Variants in GREB1L observed in about 807,000 individuals in gnomAD.
GREB1L encodes GREB1 like retinoic acid receptor coactivator.
In GREB1L, 17 loss-of-function variants were observed where a neutral mutation model predicts 200.8. The ratio of observed to expected loss-of-function variants is 0.08; its 90% CI spans 0.06 to 0.13. The LOEUF is 0.13. Among genes scored for constraint, GREB1L ranks in the 10% least tolerant of loss-of-function variants. The pLI, the probability that GREB1L is intolerant of heterozygous loss-of-function variation, is 1.00. For synonymous variants in GREB1L, 789 were observed against 893.0 expected (o/e 0.88, Z 2.08); for missense variants, 1,657 against 2,367.7 (o/e 0.70, Z 6.23).
At chr18:21,417,980 C>CAAAA (rs370649676) in intron 7 of GREB1L, among the ~76,000 whole-genome samples, 1 of 80,252 alleles carries the variant, frequency 1.2e-5, no homozygotes, top group African/African-American at 4.6e-5. Context: ...GACTCCATCT[C>CAAAA]AAAAAAAAAA....
rs1311481622 is a variant in GREB1L, at chr18:21,518,067, C to G, written c.5305C>G (p.Gln1769Glu). 4.8e-5 allele frequency: 74 copies of G among 1,551,526 alleles called. No homozygotes were observed. Among genetic ancestry groups the G allele is most frequent in the Non-Finnish European group, 6.2e-5 (71 of 1,146,960 alleles). Residue 1769 changes from glutamine (Q) to glutamate (E), a missense_variant, in exon 31 of 33, where the codon CAA becomes GAA. Physicochemically the swap from Gln to Glu is conservative, Grantham distance 29. Transcript: ENST00000424526. Reference sequence around the variant, plus strand: ...GAGCTTAGCACCCATCTTGCCCCTTCAATACATCTGTGCTCCCGACAGTGA... The same window carrying G: ...GAGCTTAGCACCCATCTTGCCCCTTGAATACATCTGTGCTCCCGACAGTGA... ...SESLAPILPL[Q>E]YICAPDSEHT...
intron 15 of GREB1L, among the ~76,000 whole-genome samples, chr18:21,459,279 CTT>C (rs746568414): frequency 0.031 from 2,652 of 85,848 alleles, 43 homozygotes; most frequent in African/African-American, 0.13. Flanking sequence ...TTTTTCTTTA[CTT>C]TTTTTTTTTT....
rs1420407476 is a variant in GREB1L at position 21,403,789 on chromosome 18, G to A, written c.710-83G>A. On this transcript the variant is annotated intron_variant, in intron 6 of 32. Coordinates refer to ENST00000424526, the MANE Select transcript of GREB1L (RefSeq NM_001142966.3). Reference sequence around the variant, plus strand: ...GCTTAAGGAGCAGCGATTTAATTTAGAGATTTTATGGATTGCGTCCCCATC... The same window carrying A: ...GCTTAAGGAGCAGCGATTTAATTTAAAGATTTTATGGATTGCGTCCCCATC... 4 of 1,192,366 alleles carry A rather than the reference G, an allele frequency of 3.4e-6. No homozygotes were observed. In the South Asian group the frequency reaches 4.3e-5, roughly 13 times the overall value. 73.9% of individuals were successfully genotyped at this position (1,192,366 alleles called of 1,614,324 possible).
intron 3 of GREB1L, 33 bp downstream of exon 3, chr18:21,383,708 C>CT (rs756524593): frequency 3.7e-4 from 557 of 1,523,376 alleles, no homozygotes; most frequent in Middle Eastern, 1.4e-3. Context: ...TTTCTGGATT[C>CT]TTTTTTTTTG....
intron 1 of GREB1L, among the ~76,000 whole-genome samples, chr18:21,350,523 G>A (rs1287897627): frequency 6.6e-6 from 1 of 152,112 alleles, no homozygotes; most frequent in Non-Finnish European, 1.5e-5. Context: ...ACAGATGTGA[G>A]CCGCTGCGCC....
chr18:21,340,662 C>A (rs1001646245), intron 1 of GREB1L, among the ~76,000 whole-genome samples: 1 of 151,836 alleles, frequency 6.6e-6, no homozygotes, highest in Non-Finnish European at 1.5e-5. Flanking sequence ...CCTGCCTCAG[C>A]CTCCTGAGTA....
At position 21,401,316 on chromosome 18, in the gene GREB1L, C is replaced by T; in HGVS notation, c.699C>T (p.Ile233=). Residue 233 remains isoleucine (I), a synonymous_variant, in exon 6 of 33, where the codon ATC becomes ATT. Transcript: ENST00000424526. ...GTGTACTGTCTAAAGGACCTCTTAT[C>T]TGCTGGAAAGGTAGTCAATTTCCAG... ...SQGVLSKGPL[I]CWKECRSRQS... is the part of the protein sequence containing the mutation. The T allele has an allele frequency of 6.5e-7, 1 of 1,549,400 alleles. No individual in the cohort carries two copies. The highest frequency in any genetic ancestry group is 8.7e-7 in the Non-Finnish European group (1 of 1,146,028).
chr18:21,335,451 A>G (rs560325193), intron 1 of GREB1L, among the ~76,000 whole-genome samples: 1 of 152,304 alleles, frequency 6.6e-6, no homozygotes, highest in East Asian at 1.9e-4. Flanking sequence ...TTGTAAGACA[A>G]AATTAATCTG....
At chr18:21,338,040 T>C (rs1237738452) in intron 1 of GREB1L, among the ~76,000 whole-genome samples, 1 of 152,204 alleles carries the variant, frequency 6.6e-6, no homozygotes, top group Non-Finnish European at 1.5e-5. Context: ...TATGTTTGGT[T>C]AATCCTTACA....
intron 1 of GREB1L, among the ~76,000 whole-genome samples, chr18:21,243,751 AAAATT>A (rs760294015): frequency 1.2e-4 from 19 of 152,238 alleles, no homozygotes; most frequent in Admixed American, 3.9e-4. Context: ...TAAAAGAGAA[AAAATT>A]AAATTGTTGA....
intron 1 of GREB1L, among the ~76,000 whole-genome samples, chr18:21,324,754 A>G (rs2038997792): frequency 6.6e-6 from 1 of 152,158 alleles, no homozygotes; most frequent in Non-Finnish European, 1.5e-5. Flanking sequence ...AGCTTGCAGT[A>G]AGCCGAGATC....
chr18:21,307,195 T>A (rs2038714248), intron 1 of GREB1L, among the ~76,000 whole-genome samples: 1 of 152,200 alleles, frequency 6.6e-6, no homozygotes, highest in South Asian at 2.1e-4. Context: ...CCTGTTCCAA[T>A]GGCAAGTACC....
chr18:21,374,069 A>G (rs1178977622), intron 2 of GREB1L, among the ~76,000 whole-genome samples: 1 of 151,786 alleles, frequency 6.6e-6, no homozygotes, highest in African/African-American at 2.4e-5. Context: ...TGGCACAACC[A>G]CACTTCACTG....
chr18:21,428,106 CG>C (rs748981356), intron 7 of GREB1L, among the ~76,000 whole-genome samples: 1 of 140,764 alleles, frequency 7.1e-6, no homozygotes, highest in South Asian at 2.3e-4. Flanking sequence ...AGGAGAATGG[CG>C]TGAACCCGGG....
At chr18:21,339,043 C>T (rs1307375149) in intron 1 of GREB1L, among the ~76,000 whole-genome samples, 3 of 152,090 alleles carry the variant, frequency 2.0e-5, no homozygotes, top group African/African-American at 7.2e-5. Context: ...ACAAAAATTC[C>T]TGGCGTGGTG....
In GREB1L at chr18:21,523,983, CAG is replaced by C. The variant is rs2037644821; in HGVS notation, c.*1164_*1165del. On this transcript the variant is annotated 3_prime_UTR_variant, in exon 33 of 33. Coordinates refer to ENST00000424526, the MANE Select transcript of GREB1L (RefSeq NM_001142966.3). ...CGGCAATGGGAGGCATATGTTTCTA[CAG>C]ATTTCTCAAATATTTTAATCAAAAA... is the stretch of plus-strand genomic sequence containing the variant. The C allele has an allele frequency of 6.6e-6, 1 of 152,202 alleles. No homozygotes were observed. Among genetic ancestry groups the C allele is most frequent in the African/African-American group, 2.4e-5 (1 of 41,446 alleles). The allele number at this position is 152,202 out of a possible 1,614,324, so 9.4% of individuals were successfully genotyped here.
chr18:21,351,896 G>A (rs2039438621), intron 1 of GREB1L, among the ~76,000 whole-genome samples: 1 of 151,884 alleles, frequency 6.6e-6, no homozygotes, highest in African/African-American at 2.4e-5. Flanking sequence ...CGCCCAGGCT[G>A]GAGTGCAGTG....
At chr18:21,423,365 AT>A (rs1226267911) in intron 7 of GREB1L, among the ~76,000 whole-genome samples, 1 of 152,148 alleles carries the variant, frequency 6.6e-6, no homozygotes, top group African/African-American at 2.4e-5. Flanking sequence ...GTTGGTTATC[AT>A]AGTTTGGGTT....
At chr18:21,433,249 T>C (rs1276024498) in intron 7 of GREB1L, among the ~76,000 whole-genome samples, 1 of 152,238 alleles carries the variant, frequency 6.6e-6, no homozygotes, top group Non-Finnish European at 1.5e-5. Context: ...TTGTTGTTTA[T>C]ATATATGAAG....
Sources: gnomAD v4.1 joint callset for allele counts (sites outside exome capture counted in the v4.1 genomes callset) on GRCh38, gnomAD v4.1.1 for gene constraint, MANE v1.5 for transcripts, NCBI Gene and HGNC (gene_info 2026-07-23, HGNC 2026-07-21) for gene names.